The following STOX2 variants were observed in gnomAD, a reference collection of about 807,000 sequenced individuals.
STOX2 encodes storkhead-box protein 2.
STOX2 carries 28 observed loss-of-function variants against 60.9 expected under a neutral mutation model. That is an observed-to-expected ratio of 0.46 (90% confidence interval 0.34 to 0.63). STOX2 has a LOEUF of 0.63. Ranked by LOEUF, STOX2 falls within the 30% of genes least tolerant of loss-of-function variation. The pLI is 0.01. For missense variants in STOX2, 1,024 were observed against 1,187.7 expected (o/e 0.86, Z 2.03); for synonymous variants, 472 against 463.9 (o/e 1.02, Z -0.22).
At chr4:183,805,168 G>A (rs1248817596) in intron 1 of STOX2, among the ~76,000 whole-genome samples, 1 of 152,210 alleles carries the variant, frequency 6.6e-6, no homozygotes, top group Non-Finnish European at 1.5e-5. Flanking sequence ...ATCACACACA[G>A]TGATGATCTG....
In STOX2 at chr4:183,825,972, T is replaced by C. The variant is rs1438860584; in HGVS notation, c.364+27917T>C. ...TGCAGTCGCTGAAACCTTTGGGTAATCTATCACCTCTTCTTCTGCTCTTTC... is the reference window on the plus strand; with the variant it reads ...TGCAGTCGCTGAAACCTTTGGGTAACCTATCACCTCTTCTTCTGCTCTTTC... On this transcript the variant is annotated intron_variant, in intron 1 of 2. Transcript: ENST00000513034. The surrounding 1 kb of genome is among the most constrained non-coding windows in gnomAD (Gnocchi z 4.1). 6.6e-6 allele frequency among the ~76,000 whole-genome samples: 1 copy of C among 151,808 alleles called. No individual in the cohort carries two copies. The highest frequency in any genetic ancestry group is 6.6e-5 in the Admixed American group (1 of 15,248).
chr4:183,907,124 C>G (rs1247725949), intron 1 of STOX2, among the ~76,000 whole-genome samples, 168 bp downstream of exon 1: 1 of 152,154 alleles, frequency 6.6e-6, no homozygotes, highest in Non-Finnish European at 1.5e-5. Flanking sequence ...TCCCAAGATC[C>G]ACAGCAGGCC....
intron 1 of STOX2, among the ~76,000 whole-genome samples, chr4:183,814,169 GTTCT>G (rs976635942): frequency 6.6e-6 from 1 of 152,044 alleles, no homozygotes; most frequent in African/African-American, 2.4e-5. Context: ...GTAAATTATG[GTTCT>G]TTATATTGGA....
chr4:183,922,378 G>A (rs1301793934), intron 1 of STOX2, among the ~76,000 whole-genome samples: 1 of 146,372 alleles, frequency 6.8e-6, no homozygotes, highest in Non-Finnish European at 1.5e-5. Context: ...ATGGAGTCTC[G>A]CTCTGTCGCC....
chr4:183,919,141 G>C (rs940980554), intron 1 of STOX2, among the ~76,000 whole-genome samples: 1 of 152,236 alleles, frequency 6.6e-6, no homozygotes. Context: ...TCAAAGCATA[G>C]CTTCTGGAGC....
intron 1 of STOX2, among the ~76,000 whole-genome samples, chr4:183,815,507 A>T (rs1301172751): frequency 6.6e-6 from 1 of 152,210 alleles, no homozygotes; most frequent in East Asian, 1.9e-4. Context: ...ATCTCAATTT[A>T]AAAATAAAAT....
At chr4:183,798,096 C>T in intron 1 of STOX2, 1 of 1,223,270 alleles carries the variant, frequency 8.2e-7, no homozygotes, top group Non-Finnish European at 1.0e-6. Flanking sequence ...CCCTTCCCAC[C>T]GGATCGCGTC....
At chr4:183,890,771 A>T (rs1360537817) in intron 1 of STOX2, among the ~76,000 whole-genome samples, 1 of 152,168 alleles carries the variant, frequency 6.6e-6, no homozygotes, top group Non-Finnish European at 1.5e-5. Context: ...TTGAAAGAGT[A>T]GGAAGAGAAG....
chr4:183,964,771 A>T (rs888231113), intron 1 of STOX2, among the ~76,000 whole-genome samples: 2 of 152,048 alleles, frequency 1.3e-5, no homozygotes, highest in Non-Finnish European at 2.9e-5. Context: ...TTTAGTAGAG[A>T]TGGGGTTTCA....
intron 1 of STOX2, among the ~76,000 whole-genome samples, chr4:183,884,303 ATT>A (rs11287431): frequency 1.1e-3 from 154 of 146,664 alleles, no homozygotes; most frequent in Middle Eastern, 3.5e-3. Context: ...GTTGTCTCTA[ATT>A]TTTTTTTTTT....
At chr4:183,857,682 C>A (rs1419707236) in intron 1 of STOX2, among the ~76,000 whole-genome samples, 6 of 152,124 alleles carry the variant, frequency 3.9e-5, no homozygotes, top group Non-Finnish European at 8.8e-5. Context: ...AATGGAGGAA[C>A]CTTCCCCCCA....
At chr4:183,981,630 GT>G (rs1268241506) in intron 1 of STOX2, among the ~76,000 whole-genome samples, 1 of 152,074 alleles carries the variant, frequency 6.6e-6, no homozygotes, top group African/African-American at 2.4e-5. Flanking sequence ...AAGCTCCTCA[GT>G]TTTTCCTCGT....
intron 1 of STOX2, among the ~76,000 whole-genome samples, chr4:183,884,653 C>T (rs1052494450): frequency 6.6e-6 from 1 of 152,102 alleles, no homozygotes; most frequent in Non-Finnish European, 1.5e-5. Context: ...ACAGAAGCCG[C>T]GAGCAGGTGT....
intron 1 of STOX2, among the ~76,000 whole-genome samples, chr4:183,985,334 A>G (rs1249904563): frequency 1.3e-5 from 2 of 152,216 alleles, no homozygotes; most frequent in African/African-American, 4.8e-5. Context: ...AAGATGATTC[A>G]TGTAGGAAGT....
intron 1 of STOX2, among the ~76,000 whole-genome samples, chr4:183,892,210 T>G (rs1741232731): frequency 6.6e-6 from 1 of 152,212 alleles, no homozygotes; most frequent in African/African-American, 2.4e-5. Context: ...TCTCCTATGC[T>G]GCGCCTGTGA....
intron 1 of STOX2, among the ~76,000 whole-genome samples, chr4:183,919,666 T>A (rs901177683): frequency 6.6e-6 from 1 of 151,920 alleles, no homozygotes; most frequent in Non-Finnish European, 1.5e-5. Flanking sequence ...AGTGCAGTGG[T>A]ACTATCGTAG....
intron 2 of STOX2, among the ~76,000 whole-genome samples, chr4:184,005,718 A>G (rs1270875815): frequency 2.0e-5 from 3 of 152,238 alleles, no homozygotes; most frequent in Admixed American, 6.5e-5. Context: ...TCAACCCTAC[A>G]GATTTCTGGC....
chr4:184,007,354 C>T (rs1342750062), intron 2 of STOX2, among the ~76,000 whole-genome samples: 1 of 152,118 alleles, frequency 6.6e-6, no homozygotes, highest in African/African-American at 2.4e-5. Context: ...TCTCAGCTGA[C>T]CCAGGTGTTC....
At chr4:183,882,497 A>G (rs1218310133) in intron 1 of STOX2, among the ~76,000 whole-genome samples, 1 of 152,212 alleles carries the variant, frequency 6.6e-6, no homozygotes, top group African/African-American at 2.4e-5. Context: ...TTCTATCCCA[A>G]TTTTGAGTAT....
Sources: gnomAD v4.1 joint callset for allele counts (sites outside exome capture counted in the v4.1 genomes callset) on GRCh38, gnomAD v4.1.1 for gene constraint, Gnocchi (gnomAD v3.1) non-coding constraint, MANE v1.5 for transcripts, NCBI Gene and HGNC (gene_info 2026-07-23, HGNC 2026-07-21) for gene names.